Variants in SLC4A4 observed in about 807,000 individuals in gnomAD.
The protein encoded by SLC4A4 is electrogenic sodium bicarbonate cotransporter 1.
Under a neutral mutation model 111.5 loss-of-function variants are expected in SLC4A4, and 27 were observed. That is an observed-to-expected ratio of 0.24 (90% CI 0.18 to 0.33). SLC4A4 has a LOEUF of 0.33. Among genes scored for constraint, SLC4A4 ranks in the 10% least tolerant of loss-of-function variants. The pLI is 1.00. For synonymous variants in SLC4A4, 443 were observed against 463.4 expected (o/e 0.96, Z 0.57); for missense variants, 909 against 1,315.5 (o/e 0.69, Z 4.78).
intron 1 of SLC4A4, among the ~76,000 whole-genome samples, chr4:71,228,657 C>T (rs1231529176): frequency 6.6e-6 from 1 of 152,082 alleles, no homozygotes; most frequent in Admixed American, 6.5e-5. Flanking sequence ...TTGTACCTGA[C>T]CACCATGTAG....
At chr4:71,198,154 AAT>A (rs1253786553) in intron 1 of SLC4A4, among the ~76,000 whole-genome samples, 1 of 152,218 alleles carries the variant, frequency 6.6e-6, no homozygotes, top group Non-Finnish European at 1.5e-5. Flanking sequence ...AAGGTGAGAG[AAT>A]ATCATTGTTC....
intron 15 of SLC4A4, among the ~76,000 whole-genome samples, chr4:71,488,353 A>G (rs1170190885): frequency 6.6e-6 from 1 of 151,552 alleles, no homozygotes; most frequent in East Asian, 1.9e-4. Flanking sequence ...AAACTCCAGC[A>G]ATTGATATGT....
At chr4:71,085,248 G>C (rs1742124696) in intron 1 of SLC4A4, among the ~76,000 whole-genome samples, 2 of 151,768 alleles carry the variant, frequency 1.3e-5, no homozygotes, top group Non-Finnish European at 2.9e-5. Flanking sequence ...TTTTTGATGG[G>C]TTTGTTTGTT....
chr4:71,108,111 AGT>A (rs1220465083), intron 2 of SLC4A4, among the ~76,000 whole-genome samples: 22 of 152,328 alleles, frequency 1.4e-4, no homozygotes, highest in African/African-American at 5.3e-4. Context: ...AACTTTTTAC[AGT>A]GTGTGTCCCA....
At chr4:71,233,062 T>C (rs1719552140) in intron 1 of SLC4A4, among the ~76,000 whole-genome samples, 1 of 152,252 alleles carries the variant, frequency 6.6e-6, no homozygotes, top group South Asian at 2.1e-4. Flanking sequence ...TCCTTATCTA[T>C]GTCTACAAAT....
chr4:71,206,936 T>C (rs1235935835), intron 1 of SLC4A4, among the ~76,000 whole-genome samples: 1 of 152,180 alleles, frequency 6.6e-6, no homozygotes, highest in African/African-American at 2.4e-5. Flanking sequence ...GCCTCTGGAA[T>C]CAGCTTGGAC....
chr4:71,181,239 T>G (rs1241113920), intron 2 of SLC4A4, among the ~76,000 whole-genome samples: 2 of 137,230 alleles, frequency 1.5e-5, no homozygotes, highest in Non-Finnish European at 3.2e-5. Flanking sequence ...GGGGGAGGGA[T>G]AGCATTAGGA....
At chr4:71,109,704 G>A (rs531465851) in intron 2 of SLC4A4, among the ~76,000 whole-genome samples, 2 of 152,014 alleles carry the variant, frequency 1.3e-5, no homozygotes, top group African/African-American at 4.8e-5. Context: ...TGCCACACCA[G>A]GCTACGTTTT....
intron 16 of SLC4A4, among the ~76,000 whole-genome samples, chr4:71,500,150 A>G (rs1163316798): frequency 6.6e-6 from 1 of 152,060 alleles, no homozygotes; most frequent in Non-Finnish European, 1.5e-5. Flanking sequence ...CTCATTGTGG[A>G]TGTAATTTGT....
intron 4 of SLC4A4, among the ~76,000 whole-genome samples, chr4:71,345,782 A>C (rs1729276444): frequency 6.6e-6 from 1 of 152,072 alleles, no homozygotes; most frequent in Non-Finnish European, 1.5e-5. Context: ...AGGCCAAGTT[A>C]ATTTTTCTGT....
chr4:71,549,724 A>T (rs1735824577), intron 20 of SLC4A4, among the ~76,000 whole-genome samples: 1 of 151,772 alleles, frequency 6.6e-6, no homozygotes, highest in Non-Finnish European at 1.5e-5. Flanking sequence ...TTCCAAGGGG[A>T]CACAGAGAAT....
At chr4:71,563,196 T>C (rs1737149722) in intron 23 of SLC4A4, among the ~76,000 whole-genome samples, 1 of 151,878 alleles carries the variant, frequency 6.6e-6, no homozygotes, top group Non-Finnish European at 1.5e-5. Context: ...TATTTTCTTA[T>C]GTTTTGCTTA....
intron 3 of SLC4A4, among the ~76,000 whole-genome samples, chr4:71,256,781 C>G (rs1034520624): frequency 6.6e-6 from 1 of 152,164 alleles, no homozygotes; most frequent in Non-Finnish European, 1.5e-5. Flanking sequence ...AAATAAATGA[C>G]TACCATTTAT....
intron 2 of SLC4A4, among the ~76,000 whole-genome samples, chr4:71,174,965 G>A (rs559117222): frequency 6.6e-6 from 1 of 152,172 alleles, no homozygotes; most frequent in Non-Finnish European, 1.5e-5. Context: ...TTTTGGCACC[G>A]AACAACATCC....
intron 13 of SLC4A4, among the ~76,000 whole-genome samples, chr4:71,470,479 A>G (rs1023238670): frequency 6.6e-6 from 1 of 152,070 alleles, no homozygotes; most frequent in Non-Finnish European, 1.5e-5. Flanking sequence ...TTTAAAAGGA[A>G]AATCTAAGAA....
chr4:71,428,899 A>G (rs1342899920), intron 7 of SLC4A4, among the ~76,000 whole-genome samples: 1 of 152,136 alleles, frequency 6.6e-6, no homozygotes, highest in Non-Finnish European at 1.5e-5. Context: ...TGATGTTATA[A>G]TATCATTTAT....
intron 9 of SLC4A4, among the ~76,000 whole-genome samples, chr4:71,449,371 C>A (rs1725551935): frequency 6.6e-6 from 1 of 152,138 alleles, no homozygotes; most frequent in South Asian, 2.1e-4. Context: ...TCATCTTTAT[C>A]TGCACAGTTG....
chr4:71,159,759 G>C (rs1196401559), intron 2 of SLC4A4, among the ~76,000 whole-genome samples: 11 of 152,124 alleles, frequency 7.2e-5, no homozygotes, highest in Non-Finnish European at 2.9e-5. Flanking sequence ...TAAATGTGAA[G>C]ATACAATACT....
chr4:71,410,557 T>A (rs1414405436), intron 7 of SLC4A4, among the ~76,000 whole-genome samples: 2 of 152,196 alleles, frequency 1.3e-5, no homozygotes, highest in East Asian at 3.9e-4. Context: ...GTAACTAGCT[T>A]GCTTTTGATT....
Sources: gnomAD v4.1 joint callset for allele counts (sites outside exome capture counted in the v4.1 genomes callset) on GRCh38, gnomAD v4.1.1 for gene constraint, MANE v1.5 for transcripts, NCBI Gene and HGNC (gene_info 2026-07-23, HGNC 2026-07-21) for gene names.